The following DST variants were observed in gnomAD, a reference collection of about 807,000 sequenced individuals.
DST encodes the protein bullous pemphigoid antigen.
Under a neutral mutation model 875.2 loss-of-function variants are expected in DST, and 253 were observed. The ratio of observed to expected loss-of-function variants is 0.29; its 90% confidence interval spans 0.26 to 0.32. The LOEUF is 0.32. Ranked by LOEUF, DST falls within the 10% of genes least tolerant of loss-of-function variation. The pLI is 1.00. For missense variants in DST, 8,287 were observed against 9,111.6 expected (o/e 0.91, Z 3.68); for synonymous variants, 3,124 against 3,197.1 (o/e 0.98, Z 0.77).
intron 5 of DST, among the ~76,000 whole-genome samples, chr6:56,733,557 T>C (rs770267739): frequency 1.3e-5 from 2 of 152,190 alleles, no homozygotes; most frequent in Admixed American, 1.3e-4. Flanking sequence ...ATTTTACAGA[T>C]GAGGGCATAA....
Position 56,712,529 on chromosome 6 carries a change from C to T in DST, c.688-8160G>A, listed in dbSNP as rs574218189. ...GTAATATAAAGACAAATAATGACAA[C>T]GAAGTAGAATGCTATTATAATACTA... On this transcript the variant is annotated intron_variant, in intron 5 of 103. Transcript: ENST00000680361. 1.6e-4 allele frequency among the ~76,000 whole-genome samples: 25 copies of T among 152,156 alleles called. No homozygotes were observed. The South Asian group carries it at 2.3e-3, about 14-fold the overall frequency.
chr6:56,593,598 A>T, intron 48 of DST, 65 bp downstream of exon 48: 1 of 1,363,078 alleles, frequency 7.3e-7, no homozygotes, highest in Non-Finnish European at 9.7e-7. Context: ...CTCTTGTTCC[A>T]AAACTATAAT....
chr6:56,550,059 T>C (rs796970641), intron 61 of DST, among the ~76,000 whole-genome samples: 57 of 152,316 alleles, frequency 3.7e-4, no homozygotes, highest in African/African-American at 1.3e-3. Flanking sequence ...GCTTGACACA[T>C]AGTAAGCCCA....
At chr6:56,510,470 GT>G (rs1319375371) in intron 73 of DST, among the ~76,000 whole-genome samples, 5 of 152,068 alleles carry the variant, frequency 3.3e-5, no homozygotes, top group Non-Finnish European at 5.9e-5. Flanking sequence ...GAAGTTACAA[GT>G]GTCAGAAGTT....
At position 56,620,574 on chromosome 6, in the gene DST, T is replaced by A; in HGVS notation, c.4929+3956A>T. 6.2e-7 allele frequency: 1 copy of A among 1,614,038 alleles called. No homozygotes were observed. Among genetic ancestry groups the A allele is most frequent in the Non-Finnish European group, 8.5e-7 (1 of 1,180,032 alleles). On this transcript the variant is annotated intron_variant, in intron 36 of 103. Transcript: ENST00000680361. ...GGAAGTTCTTCCTCTACTCGGGACT[T>A]TTGTTTCTTTAGTTCAGCTACCATT...
At chr6:56,898,617 T>C (rs567858187) in intron 3 of DST, among the ~76,000 whole-genome samples, 17 of 152,354 alleles carry the variant, frequency 1.1e-4, no homozygotes, top group Admixed American at 5.2e-4. Context: ...AAGCCCTTTC[T>C]AATCTGGCCT....
chr6:56,465,228 C>T (rs777576151), intron 99 of DST, among the ~76,000 whole-genome samples: 9 of 152,106 alleles, frequency 5.9e-5, no homozygotes, highest in Non-Finnish European at 1.0e-4. Context: ...TCACCAAAAC[C>T]AAGAGGCCCT....
At chr6:56,765,595 A>C (rs1308056129) in intron 4 of DST, among the ~76,000 whole-genome samples, 1 of 152,222 alleles carries the variant, frequency 6.6e-6, no homozygotes, top group Non-Finnish European at 1.5e-5. Context: ...GTCTTGAGGC[A>C]GAGGTGATGA....
chr6:56,458,970 A>G lies in DST; in HGVS notation c.*35T>C, dbSNP rs1259015278. 1 of 1,505,864 alleles carries G rather than the reference A, an allele frequency of 6.6e-7. No homozygotes were observed. The highest frequency in any genetic ancestry group is 8.9e-7 in the Non-Finnish European group (1 of 1,125,544). 93.3% of individuals were successfully genotyped at this position (1,505,864 alleles called of 1,614,324 possible). A position where few individuals can be genotyped will look rare whatever the true frequency, so the allele number is the denominator to read the frequency against. ...TACATCGTTCAAACTTAAATAATAA[A>G]TGCTCAAGGAAGGGCCTTGGTAGAA... On this transcript the variant is annotated 3_prime_UTR_variant, in exon 104 of 104. Coordinates refer to ENST00000680361, the MANE Select transcript of DST (RefSeq NM_001374736.1).
At chr6:56,465,831 T>C (rs1234445374) in intron 99 of DST, among the ~76,000 whole-genome samples, 3 of 147,936 alleles carry the variant, frequency 2.0e-5, no homozygotes, top group Admixed American at 2.0e-4. Flanking sequence ...AAATGGATTC[T>C]AGTATTTCCC....
intron 61 of DST, among the ~76,000 whole-genome samples, chr6:56,546,315 T>A (rs1207860246): frequency 7.0e-6 from 1 of 143,266 alleles, no homozygotes; most frequent in African/African-American, 2.5e-5. Context: ...ATTCTATATA[T>A]AAATCTTATT....
At chr6:56,569,325 G>GAAAAAAAAAA (rs755987516) in intron 54 of DST, among the ~76,000 whole-genome samples, 1 of 94,812 alleles carries the variant, frequency 1.1e-5, no homozygotes, top group Non-Finnish European at 2.1e-5. Context: ...ACTCTGTCTC[G>GAAAAAAAAAA]AAAAAAAAAA....
At chr6:56,610,773 A>G (rs1263033881) in intron 38 of DST, among the ~76,000 whole-genome samples, 1 of 152,194 alleles carries the variant, frequency 6.6e-6, no homozygotes, top group Non-Finnish European at 1.5e-5. Flanking sequence ...GACTGAAGGA[A>G]AGGGTGTAAA....
At chr6:56,578,269 G>A (rs956323960) in intron 50 of DST, among the ~76,000 whole-genome samples, 3 of 152,128 alleles carry the variant, frequency 2.0e-5, no homozygotes, top group Non-Finnish European at 4.4e-5. Flanking sequence ...TACTTCTCAG[G>A]AGGCTGAGAT....
intron 41 of DST, 52 bp downstream of exon 41, chr6:56,603,512 A>G: frequency 1.3e-6 from 2 of 1,588,892 alleles, no homozygotes; most frequent in Non-Finnish European, 1.7e-6. Flanking sequence ...TCTTTTTCCC[A>G]GTCATACATC....
intron 9 of DST, among the ~76,000 whole-genome samples, chr6:56,688,730 A>T (rs2099205292): frequency 6.6e-6 from 1 of 152,196 alleles, no homozygotes; most frequent in Non-Finnish European, 1.5e-5. Context: ...TTCTCAGGTG[A>T]CTAACTTTAC....
chr6:56,783,412 A>T (rs1289816324), intron 4 of DST, among the ~76,000 whole-genome samples: 2 of 152,048 alleles, frequency 1.3e-5, no homozygotes, highest in Admixed American at 6.5e-5. Context: ...GTGCTCCTGT[A>T]TTGGGTGCAT....
chr6:56,681,334 C>A (rs1008460572), intron 9 of DST, among the ~76,000 whole-genome samples: 2 of 152,158 alleles, frequency 1.3e-5, no homozygotes, highest in Non-Finnish European at 2.9e-5. Flanking sequence ...GACACCCACC[C>A]CAAACACTCC....
rs572710347 is a variant in DST at position 56,584,252 on chromosome 6, A to G, written c.12904-5315T>C. On this transcript the variant is annotated intron_variant, in intron 49 of 103. Coordinates refer to ENST00000680361, the MANE Select transcript of DST (RefSeq NM_001374736.1). ...ATGGAATGTTCTTCCATTTGTTTGTATCCTCTTTTATTTCATTGAGCAGTG... is the reference window on the plus strand; with the variant it reads ...ATGGAATGTTCTTCCATTTGTTTGTGTCCTCTTTTATTTCATTGAGCAGTG... Among the ~76,000 whole-genome samples the G allele has an allele frequency of 3.8e-3, 569 of 151,636 alleles. 1 individual carries two copies. Among genetic ancestry groups the G allele is most frequent in the African/African-American group, 0.013 (541 of 41,228 alleles).
Sources: gnomAD v4.1 joint callset for allele counts (sites outside exome capture counted in the v4.1 genomes callset) on GRCh38, gnomAD v4.1.1 for gene constraint, MANE v1.5 for transcripts, NCBI Gene and HGNC (gene_info 2026-07-23, HGNC 2026-07-21) for gene names.